PIK3CB: variants seen among roughly 807,000 people sequenced by gnomAD.
PIK3CB encodes the protein phosphatidylinositol-4,5-bisphosphate 3-kinase catalytic subunit beta.
In PIK3CB, 39 loss-of-function variants were observed where a neutral mutation model predicts 136.8. The observed-to-expected ratio is 0.29, with a 90% CI of 0.22 to 0.37. The LOEUF (loss-of-function observed/expected upper bound fraction) is 0.37. Ranked by LOEUF, PIK3CB falls within the 10% of genes least tolerant of loss-of-function variation. PIK3CB has a pLI of 1.00. For synonymous variants in PIK3CB, 428 were observed against 436.6 expected (o/e 0.98, Z 0.25); for missense variants, 868 against 1,275.4 (o/e 0.68, Z 4.87).
At chr3:138,681,251 G>C (rs997896416) in intron 19 of PIK3CB, among the ~76,000 whole-genome samples, 2 of 151,958 alleles carry the variant, frequency 1.3e-5, no homozygotes, top group South Asian at 2.1e-4. Flanking sequence ...TCACCATGTG[G>C]GCCAGGCTGG....
intron 12 of PIK3CB, among the ~76,000 whole-genome samples, chr3:138,701,220 A>C (rs952309487): frequency 9.2e-5 from 14 of 152,044 alleles, no homozygotes; most frequent in South Asian, 4.1e-4. Context: ...GATTAAAAAA[A>C]AAAAAACAAA....
chr3:138,679,958 A>G (rs1393666855), intron 19 of PIK3CB, among the ~76,000 whole-genome samples: 1 of 149,860 alleles, frequency 6.7e-6, no homozygotes, highest in Non-Finnish European at 1.5e-5. Context: ...AAAAAAAGTA[A>G]TAACTGATAA....
chr3:138,672,980 A>G (rs186882038), intron 19 of PIK3CB, among the ~76,000 whole-genome samples: 1 of 152,108 alleles, frequency 6.6e-6, no homozygotes, highest in East Asian at 1.9e-4. Flanking sequence ...AGCAGAAAAA[A>G]AATACAATAC....
intron 19 of PIK3CB, among the ~76,000 whole-genome samples, chr3:138,679,223 A>C (rs971949060): frequency 6.6e-6 from 1 of 152,250 alleles, no homozygotes; most frequent in African/African-American, 2.4e-5. Context: ...TTTAATGAGA[A>C]TATAGATCTG....
chr3:138,755,384 G>A (rs1375016900), intron 4 of PIK3CB, among the ~76,000 whole-genome samples: 3 of 152,120 alleles, frequency 2.0e-5, no homozygotes, highest in African/African-American at 7.2e-5. Flanking sequence ...GCTCATACCT[G>A]TAATCCCAGC....
At chr3:138,784,663 G>T (rs959509560) in intron 2 of PIK3CB, among the ~76,000 whole-genome samples, 5 of 152,188 alleles carry the variant, frequency 3.3e-5, no homozygotes, top group Admixed American at 3.3e-4. Context: ...GCTCCTGACC[G>T]CGAGTGATCT....
chr3:138,681,043 T>G (rs984342076), intron 19 of PIK3CB, among the ~76,000 whole-genome samples: 1 of 146,302 alleles, frequency 6.8e-6, no homozygotes, highest in Non-Finnish European at 1.5e-5. Flanking sequence ...TCATGTTAGT[T>G]TTTTTTTTGT....
chr3:138,766,260 A>G (rs1016287222), intron 2 of PIK3CB, among the ~76,000 whole-genome samples: 4 of 152,144 alleles, frequency 2.6e-5, no homozygotes, highest in Non-Finnish European at 4.4e-5. Context: ...AGGCTGAAGA[A>G]CTCCCTTGAT....
chr3:138,655,071 G>A lies in PIK3CB; in HGVS notation c.*318C>T, dbSNP rs183387610. 1,048 of 324,228 alleles carry A rather than the reference G, an allele frequency of 3.2e-3. 6 individuals are homozygous for A. The highest frequency in any genetic ancestry group is 5.1e-3 in the Admixed American group (114 of 22,248). 20.1% of individuals were successfully genotyped at this position (324,228 alleles called of 1,614,324 possible). ...TGAAAAGAAGTATTTACACCATTCT[G>A]GGAAGTACCAAATATTAGAAAAAAC... On this transcript the variant is annotated 3_prime_UTR_variant, in exon 24 of 24. Transcript: ENST00000674063.
At chr3:138,677,072 T>G (rs2043662315) in intron 19 of PIK3CB, among the ~76,000 whole-genome samples, 1 of 151,928 alleles carries the variant, frequency 6.6e-6, no homozygotes, top group African/African-American at 2.4e-5. Flanking sequence ...TTTTTTTTTT[T>G]TTGAGATGGA....
At chr3:138,807,566 T>A (rs1047003698) in intron 1 of PIK3CB, among the ~76,000 whole-genome samples, 5 of 152,146 alleles carry the variant, frequency 3.3e-5, no homozygotes, top group Admixed American at 1.3e-4. Flanking sequence ...TACATCCACA[T>A]AACGGAATGT....
chr3:138,810,926 T>A (rs930456000), intron 1 of PIK3CB, among the ~76,000 whole-genome samples: 5 of 143,800 alleles, frequency 3.5e-5, no homozygotes, highest in Admixed American at 1.4e-4. Context: ...TCTCAAAAAA[T>A]AAATAAATAA....
intron 4 of PIK3CB, among the ~76,000 whole-genome samples, chr3:138,747,830 G>A (rs1373162997): frequency 6.6e-6 from 1 of 152,032 alleles, no homozygotes; most frequent in Non-Finnish European, 1.5e-5. Flanking sequence ...AAGTGGCCCT[G>A]CACAGTTCAA....
chr3:138,791,172 T>C (rs2108814782), intron 2 of PIK3CB, among the ~76,000 whole-genome samples: 1 of 151,796 alleles, frequency 6.6e-6, no homozygotes, highest in East Asian at 2.0e-4. Flanking sequence ...TTGAGATGTC[T>C]TGCTGTGTCA....
At chr3:138,814,254 G>T (rs904113210) in intron 1 of PIK3CB, among the ~76,000 whole-genome samples, 5 of 152,088 alleles carry the variant, frequency 3.3e-5, no homozygotes, top group Non-Finnish European at 1.5e-5. Flanking sequence ...CAGGCGGGAG[G>T]ATCACTTGAA....
intron 2 of PIK3CB, among the ~76,000 whole-genome samples, chr3:138,791,996 G>T (rs2046056423): frequency 6.6e-6 from 1 of 152,028 alleles, no homozygotes; most frequent in Admixed American, 6.6e-5. Context: ...TATATCGGTG[G>T]GTTCCACATC....
chr3:138,822,423 T>C (rs1349194042), intron 1 of PIK3CB, among the ~76,000 whole-genome samples: 1 of 151,850 alleles, frequency 6.6e-6, no homozygotes, highest in Non-Finnish European at 1.5e-5. Context: ...GGCATGCACC[T>C]GTAGTTCCAG....
At chr3:138,708,243 G>A (rs946340547) in intron 10 of PIK3CB, among the ~76,000 whole-genome samples, 2 of 149,680 alleles carry the variant, frequency 1.3e-5, no homozygotes, top group African/African-American at 2.5e-5. Flanking sequence ...CTCACCTCAC[G>A]GACTCAATTT....
Position 138,728,075 on chromosome 3 carries a change from G to T in PIK3CB, c.1050+5286C>A, listed in dbSNP as rs184316432. 2.4e-4 allele frequency among the ~76,000 whole-genome samples: 36 copies of T among 152,186 alleles called. No individual in the cohort carries two copies. The East Asian group carries it at 3.1e-3, about 13-fold the overall frequency. ...GATCCACCCGCCTCGGCCTCCCAAA[G>T]TTCTGGGAATGTAGGCATGAGCCAC... On this transcript the variant is annotated intron_variant, in intron 8 of 23. Coordinates refer to ENST00000674063, the MANE Select transcript of PIK3CB (RefSeq NM_006219.3).
Sources: allele counts gnomAD v4.1 joint callset (sites outside exome capture counted in the v4.1 genomes callset), GRCh38; gene constraint gnomAD v4.1.1; transcripts MANE v1.5; gene names NCBI Gene and HGNC (gene_info 2026-07-23, HGNC 2026-07-21).